PDGFC: variants seen among roughly 807,000 people sequenced by gnomAD.
PDGFC encodes the protein platelet derived growth factor C, also known as platelet-derived growth factor C.
In PDGFC, 12 loss-of-function variants were observed where a neutral mutation model predicts 35.5. The ratio of observed to expected loss-of-function variants is 0.34; its 90% CI spans 0.22 to 0.55. PDGFC has a LOEUF of 0.55. PDGFC is among the 20% of genes least tolerant of loss of function. PDGFC has a pLI of 0.91. For missense variants in PDGFC, 322 were observed against 412.4 expected, an observed-to-expected ratio of 0.78 and a Z score of 1.90; for synonymous variants, 159 against 148.8, an observed-to-expected ratio of 1.07 and a Z score of -0.50.
intron 1 of PDGFC, among the ~76,000 whole-genome samples, chr4:156,938,451 TA>T: frequency 6.6e-6 from 1 of 152,274 alleles, no homozygotes; most frequent in Admixed American, 6.5e-5. Flanking sequence ...TAAAACTTTA[TA>T]CATTTTCTTG....
At chr4:156,876,358 GA>G (rs138678162) in intron 1 of PDGFC, 4 of 152,112 alleles carry the variant, frequency 2.6e-5, no homozygotes, top group African/African-American at 9.7e-5. Flanking sequence ...TTTCCTTATT[GA>G]AAAAAGTTAC....
At position 156,971,430 on chromosome 4, in the gene PDGFC, G is replaced by C. The variant is rs563989685; in HGVS notation, c.-527C>G. 5.0e-5 allele frequency: 19 copies of C among 376,960 alleles called. No homozygotes were observed. The highest frequency in any genetic ancestry group is 8.0e-5 in the Non-Finnish European group (17 of 212,762). 23.4% of individuals were successfully genotyped at this position (376,960 alleles called of 1,614,324 possible). A position where few individuals can be genotyped will look rare whatever the true frequency, so the allele number is the denominator to read the frequency against. ...CCCGCCCCACCCCCCACCCCCGAAG[G>C]GGGAGGGGGAAGAAACAAGGCGAGG... is the stretch of plus-strand genomic sequence containing the variant. On this transcript the variant is annotated 5_prime_UTR_variant, in exon 1 of 6. Coordinates refer to ENST00000502773, the MANE Select transcript of PDGFC (RefSeq NM_016205.3).
chr4:156,872,182 C>T (rs2111146192), intron 1 of PDGFC, among the ~76,000 whole-genome samples: 1 of 152,178 alleles, frequency 6.6e-6, no homozygotes, highest in Admixed American at 6.5e-5. Flanking sequence ...ATTTAGTGTG[C>T]TTGCCATTTA....
chr4:156,891,327 G>GAAAAAAAAA (rs1730504039), intron 1 of PDGFC, among the ~76,000 whole-genome samples: 1 of 68,346 alleles, frequency 1.5e-5, no homozygotes, highest in Non-Finnish European at 3.7e-5. Flanking sequence ...AAAAAAAAAG[G>GAAAAAAAAA]AAAAATACAG....
chr4:156,893,027 G>A (rs745674826), intron 1 of PDGFC, among the ~76,000 whole-genome samples: 4 of 152,062 alleles, frequency 2.6e-5, no homozygotes, highest in African/African-American at 4.8e-5. Flanking sequence ...CACCAGACAA[G>A]TCTTAACCAG....
intron 1 of PDGFC, among the ~76,000 whole-genome samples, chr4:156,864,500 CTT>C (rs1441776877): frequency 6.6e-6 from 1 of 152,136 alleles, no homozygotes; most frequent in East Asian, 1.9e-4. Context: ...CTTGGCTTGA[CTT>C]GGGAAAAACG....
chr4:156,857,146 A>G (rs1052554810), intron 1 of PDGFC, among the ~76,000 whole-genome samples: 2 of 151,732 alleles, frequency 1.3e-5, no homozygotes, highest in Non-Finnish European at 2.9e-5. Flanking sequence ...TGATATTTGT[A>G]TAAAAGAATT....
At chr4:156,880,144 G>A (rs1730207594) in intron 1 of PDGFC, among the ~76,000 whole-genome samples, 1 of 152,162 alleles carries the variant, frequency 6.6e-6, no homozygotes, top group Admixed American at 6.5e-5. Context: ...GTCGATGTAG[G>A]TGAAACAGTC....
At chr4:156,878,614 C>T (rs553474209) in intron 1 of PDGFC, among the ~76,000 whole-genome samples, 62 of 152,062 alleles carry the variant, frequency 4.1e-4, no homozygotes, top group African/African-American at 7.2e-4. Flanking sequence ...ATATACTTAC[C>T]GGTTGAGCAT....
At chr4:156,833,028 G>T (rs1336191194) in intron 2 of PDGFC, among the ~76,000 whole-genome samples, 1 of 152,216 alleles carries the variant, frequency 6.6e-6, no homozygotes, top group East Asian at 1.9e-4. Context: ...ATCAGATTTT[G>T]AGTCATCCCA....
At chr4:156,812,587 G>A (rs772286483) in intron 2 of PDGFC, among the ~76,000 whole-genome samples, 2 of 151,850 alleles carry the variant, frequency 1.3e-5, no homozygotes, top group South Asian at 2.1e-4. Flanking sequence ...TACATTTTAC[G>A]TAACATTAAA....
At position 156,760,714 on chromosome 4, in the gene PDGFC, G is replaced by A. The variant is rs958943986; in HGVS notation, c.*2376C>T. ...AGTCCTCACATGGTAACCACTCACC[G>A]ACTGGCAACTGAGGACTGCTACCCT... is the stretch of plus-strand genomic sequence containing the variant. On this transcript the variant is annotated 3_prime_UTR_variant, in exon 6 of 6. Coordinates refer to ENST00000502773, the MANE Select transcript of PDGFC (RefSeq NM_016205.3). 9.2e-5 allele frequency: 14 copies of A among 152,054 alleles called. No homozygotes were observed. The highest frequency in any genetic ancestry group is 7.9e-4 in the Admixed American group (12 of 15,270). 9.4% of individuals were successfully genotyped at this position (152,054 alleles called of 1,614,324 possible).
chr4:156,882,251 A>C (rs1212777276), intron 1 of PDGFC, among the ~76,000 whole-genome samples: 1 of 152,170 alleles, frequency 6.6e-6, no homozygotes, highest in Non-Finnish European at 1.5e-5. Flanking sequence ...CTAACTTTGA[A>C]TTTTGTGTAG....
At chr4:156,766,605 C>T (rs116123927) in intron 5 of PDGFC, among the ~76,000 whole-genome samples, 2,180 of 152,170 alleles carry the variant, frequency 0.014, 65 homozygotes, top group African/African-American at 0.049. Context: ...AAAAATTACT[C>T]CATGACCTTT....
At chr4:156,856,637 C>A (rs980626743) in intron 1 of PDGFC, among the ~76,000 whole-genome samples, 5 of 152,108 alleles carry the variant, frequency 3.3e-5, no homozygotes, top group African/African-American at 1.2e-4. Context: ...CTGTTCCTGG[C>A]ACATGGCAGC....
intron 1 of PDGFC, among the ~76,000 whole-genome samples, chr4:156,933,581 T>C (rs1392486958): frequency 1.3e-5 from 2 of 152,204 alleles, no homozygotes; most frequent in Non-Finnish European, 2.9e-5. Flanking sequence ...TCCCAAAGCA[T>C]AGTGCTGAAG....
At chr4:156,885,564 T>C (rs1730357086) in intron 1 of PDGFC, among the ~76,000 whole-genome samples, 1 of 152,198 alleles carries the variant, frequency 6.6e-6, no homozygotes, top group African/African-American at 2.4e-5. Context: ...GCTTTTTTTT[T>C]GTCAAATTGC....
chr4:156,789,193 C>T (rs1440048671), intron 3 of PDGFC, among the ~76,000 whole-genome samples: 1 of 152,122 alleles, frequency 6.6e-6, no homozygotes, highest in Non-Finnish European at 1.5e-5. Flanking sequence ...GAGGTTTTCC[C>T]TCTAATCAAA....
intron 1 of PDGFC, among the ~76,000 whole-genome samples, chr4:156,872,626 A>C (rs1339168410): frequency 6.6e-6 from 1 of 152,186 alleles, no homozygotes; most frequent in Non-Finnish European, 1.5e-5. Context: ...CATCTCTTTA[A>C]CTAGATTAGA....
Sources: allele counts gnomAD v4.1 joint callset (sites outside exome capture counted in the v4.1 genomes callset), GRCh38; gene constraint gnomAD v4.1.1; transcripts MANE v1.5; gene names NCBI Gene and HGNC (gene_info 2026-07-23, HGNC 2026-07-21).